SCML2: variants seen among roughly 807,000 people sequenced by gnomAD.
SCML2 encodes sex comb on midleg-like protein 2.
SCML2 carries 6 observed loss-of-function variants against 48.4 expected under a neutral mutation model. The observed-to-expected ratio is 0.12, with a 90% CI of 0.07 to 0.24. SCML2 has a LOEUF of 0.24. SCML2 is among the 10% of genes least tolerant of loss of function. The pLI is 1.00. For missense variants in SCML2, 377 were observed against 528.2 expected (o/e 0.71, Z 2.81); for synonymous variants, 181 against 189.5 (o/e 0.95, Z 0.37).
At chrX:18,263,881 T>C (rs1160702500) in intron 8 of SCML2, among the ~76,000 whole-genome samples, 1 of 109,561 alleles carries the variant, frequency 9.1e-6, no homozygotes, top group Non-Finnish European at 1.9e-5. Flanking sequence ...TCCATGGCTT[T>C]TGATGAGAAA....
At chrX:18,338,216 G>C (rs1929895467) in intron 1 of SCML2, among the ~76,000 whole-genome samples, 1 of 111,498 alleles carries the variant, frequency 9.0e-6, no homozygotes, top group Non-Finnish European at 1.9e-5. Flanking sequence ...GGCCAAGGCG[G>C]TAGGATCATT....
intron 7 of SCML2, among the ~76,000 whole-genome samples, chrX:18,278,673 G>T (rs764973284): frequency 2.7e-5 from 3 of 112,582 alleles, no homozygotes; most frequent in Non-Finnish European, 5.6e-5. Flanking sequence ...CCTAGCTACT[G>T]TGCAGGAGCA....
intron 7 of SCML2, among the ~76,000 whole-genome samples, chrX:18,266,593 A>G (rs767714598): frequency 1.8e-5 from 2 of 112,355 alleles, no homozygotes; most frequent in Non-Finnish European, 3.8e-5. Context: ...TACATAGTAA[A>G]AAGCACTAAT....
At chrX:18,296,716 T>C (rs189958572) in intron 7 of SCML2, among the ~76,000 whole-genome samples, 81 of 111,373 alleles carry the variant, frequency 7.3e-4, no homozygotes, top group Middle Eastern at 4.6e-3. Context: ...ATAGAAAACC[T>C]TGACAGACCA....
In SCML2 at chrX:18,289,794, T is replaced by C. The variant is rs778575765; in HGVS notation, c.730+15178A>G. Among the ~76,000 whole-genome samples the C allele has an allele frequency of 2.7e-5, 3 of 111,812 alleles. No homozygotes were observed. The South Asian group carries it at 1.1e-3, about 41-fold the overall frequency. On this transcript the variant is annotated intron_variant, in intron 7 of 14. Transcript: ENST00000251900. ...TGAAGCACAAGTTACAGATACCACA[T>C]ACTCCTCTCTGCGCATACCTGAACA...
At chrX:18,244,947 C>G (rs889488486) in intron 13 of SCML2, among the ~76,000 whole-genome samples, 5 of 111,390 alleles carry the variant, frequency 4.5e-5, no homozygotes, top group African/African-American at 1.6e-4. Flanking sequence ...AAATGCGTAT[C>G]TATTCTTGGG....
intron 2 of SCML2, 98 bp downstream of exon 2, chrX:18,333,951 AT>A (rs1929731750): frequency 1.0e-5 from 8 of 776,047 alleles, no homozygotes; most frequent in Non-Finnish European, 1.5e-5. Flanking sequence ...CTATAAATTT[AT>A]TTTTTAAAGG....
chrX:18,315,892 C>CT (rs1929105544), intron 6 of SCML2, among the ~76,000 whole-genome samples: 1 of 109,553 alleles, frequency 9.1e-6, no homozygotes, highest in Admixed American at 9.7e-5. Context: ...CCCAAATAGA[C>CT]TATTTTTTTT....
Position 18,347,996 on chromosome X carries a change from A to C in SCML2, c.-25+6596T>G, listed in dbSNP as rs142731398. ...TTCTAATTTAAGTTACCCCCCAAAAAACCTGTAAGTTAATCACTTGCAATT... is the reference window on the plus strand; with the variant it reads ...TTCTAATTTAAGTTACCCCCCAAAACACCTGTAAGTTAATCACTTGCAATT... On this transcript the variant is annotated intron_variant, in intron 1 of 14. Transcript: ENST00000251900. Among the ~76,000 whole-genome samples the C allele has an allele frequency of 1.1e-3, 121 of 111,816 alleles. 2 individuals carry two copies. The East Asian group carries it at 0.015, about 14-fold the overall frequency.
chrX:18,317,731 G>A (rs1421458007), intron 6 of SCML2, among the ~76,000 whole-genome samples: 1 of 108,127 alleles, frequency 9.2e-6, no homozygotes, highest in African/African-American at 3.4e-5. Flanking sequence ...CTACTCGGGA[G>A]GCTGAGGCAG....
chrX:18,305,707 T>C (rs1184515078), intron 6 of SCML2, among the ~76,000 whole-genome samples: 1 of 106,763 alleles, frequency 9.4e-6, no homozygotes, highest in Non-Finnish European at 1.9e-5. Context: ...TCAGATAATA[T>C]CCTAAAAGAA....
At chrX:18,354,094 G>A (rs1360498427) in intron 1 of SCML2, among the ~76,000 whole-genome samples, 2 of 112,335 alleles carry the variant, frequency 1.8e-5, no homozygotes, top group African/African-American at 3.2e-5. Context: ...TTGGCACCAG[G>A]ATTTGCGCCC....
chrX:18,353,766 A>G (rs1930446135), intron 1 of SCML2, among the ~76,000 whole-genome samples: 1 of 112,980 alleles, frequency 8.9e-6, no homozygotes. Context: ...CTATCTATGT[A>G]CAACCTTGAG....
At chrX:18,263,019 C>T (rs1226586753) in intron 8 of SCML2, among the ~76,000 whole-genome samples, 1 of 111,193 alleles carries the variant, frequency 9.0e-6, no homozygotes, top group African/African-American at 3.3e-5. Context: ...CCCAGCCCCT[C>T]CTTTCCTTTT....
intron 7 of SCML2, among the ~76,000 whole-genome samples, chrX:18,300,804 G>GA (rs939748308): frequency 4.0e-4 from 40 of 100,222 alleles, no homozygotes; most frequent in African/African-American, 7.7e-4. Context: ...AAAAAAAAAA[G>GA]AAAAAAAAAA....
chrX:18,347,462 C>T (rs1930235133), intron 1 of SCML2, among the ~76,000 whole-genome samples: 1 of 104,681 alleles, frequency 9.6e-6, no homozygotes, highest in African/African-American at 3.5e-5. Flanking sequence ...AAAAAAAGAA[C>T]ATTTTTAGGC....
intron 1 of SCML2, among the ~76,000 whole-genome samples, chrX:18,350,578 A>G (rs757535190): frequency 4.0e-4 from 26 of 64,207 alleles, no homozygotes; most frequent in African/African-American, 9.4e-4. Flanking sequence ...TCCATCTCGG[A>G]AAAAAAAAAA....
chrX:18,272,652 G>T (rs1346454116), intron 7 of SCML2, among the ~76,000 whole-genome samples: 2 of 111,873 alleles, frequency 1.8e-5, no homozygotes, highest in Non-Finnish European at 3.8e-5. Context: ...TTTAAATTTT[G>T]CACGTGGCAC....
At chrX:18,326,633 T>C (rs1345434273) in intron 3 of SCML2, among the ~76,000 whole-genome samples, 4 of 97,502 alleles carry the variant, frequency 4.1e-5, no homozygotes, top group Non-Finnish European at 8.0e-5. Context: ...TGAGCCAAGA[T>C]CGCACCACTG....
Sources: gnomAD v4.1 joint callset for allele counts (sites outside exome capture counted in the v4.1 genomes callset) on GRCh38, gnomAD v4.1.1 for gene constraint, MANE v1.5 for transcripts, NCBI Gene and HGNC (gene_info 2026-07-23, HGNC 2026-07-21) for gene names.